The following LRRC52 variants were observed in gnomAD, a reference collection of about 807,000 sequenced individuals.
The protein encoded by LRRC52 is leucine-rich repeat-containing protein 52.
LRRC52 carries 15 observed loss-of-function variants against 14.7 expected under a neutral mutation model. The observed-to-expected ratio is 1.02, with a 90% CI of 0.68 to 1.58. The LOEUF (loss-of-function observed/expected upper bound fraction) is 1.58. Ranked by LOEUF, LRRC52 falls within the 40% of genes most tolerant of loss-of-function variation. The pLI, the probability that LRRC52 is intolerant of heterozygous loss-of-function variation, is 0.00. For synonymous variants in LRRC52, 180 were observed against 163.9 expected, an observed-to-expected ratio of 1.10 and a Z score of -0.75; for missense variants, 400 against 387.7, an observed-to-expected ratio of 1.03 and a Z score of -0.27.
At chr1:165,551,887 G>A (rs1007613324) in intron 1 of LRRC52, among the ~76,000 whole-genome samples, 8 of 151,726 alleles carry the variant, frequency 5.3e-5, no homozygotes, top group East Asian at 1.9e-4. Context: ...TTAGATTTCC[G>A]GAATGAATTC....
chr1:165,556,344 T>G (rs1016158487), intron 1 of LRRC52, among the ~76,000 whole-genome samples: 1 of 152,046 alleles, frequency 6.6e-6, no homozygotes, highest in Non-Finnish European at 1.5e-5. Context: ...CATGAGTCTA[T>G]GAATCACTTT....
At position 165,560,730 on chromosome 1, in the gene LRRC52, G is replaced by A. The variant is rs1006010985; in HGVS notation, c.623-2775G>A. 2.6e-5 allele frequency among the ~76,000 whole-genome samples: 4 copies of A among 152,166 alleles called. No homozygotes were observed. In the East Asian group the frequency reaches 7.7e-4, roughly 29 times the overall value. ...GGGTATGAGGCATTTGACAAAAAAG[G>A]AGCAGTGTAACAAAGTAACTATAGA... On this transcript the variant is annotated intron_variant, in intron 1 of 1. Transcript: ENST00000294818.
chr1:165,563,665 G>A lies in LRRC52; in HGVS notation c.783G>A (p.Val261=). The A allele has an allele frequency of 1.9e-6, 3 of 1,614,214 alleles. No homozygotes were observed. Among genetic ancestry groups the A allele is most frequent in the Non-Finnish European group, 2.5e-6 (3 of 1,180,032 alleles). The change falls in exon 2 of 2, where the codon GTG becomes GTA. Residue 261 remains valine (V), a synonymous_variant. Transcript: ENST00000294818. ...TCTGCATCTTCGCCGCGGGAACTGT[G>A]GCTGCCTGGCTCACAGGTGTGTGTG... is the stretch of plus-strand genomic sequence containing the variant. ...IGFCIFAAGT[V]AAWLTGVCAV...
Position 165,563,889 on chromosome 1 carries a change from TC to T in LRRC52, c.*68del. 6.7e-7 allele frequency: 1 copy of T among 1,487,300 alleles called. No individual in the cohort carries two copies. The highest frequency in any genetic ancestry group is 9.2e-7 in the Non-Finnish European group (1 of 1,083,926). The allele number at this position is 1,487,300 out of a possible 1,614,324, so 92.1% of individuals were successfully genotyped here. A position where few individuals can be genotyped will look rare whatever the true frequency, so the allele number is the denominator to read the frequency against. On this transcript the variant is annotated 3_prime_UTR_variant, in exon 2 of 2. Transcript: ENST00000294818. ...CCTGCTTTCTCTCTTGCCCTCCCCA[TC>T]CCACCACCTTGGAGCTGTCATAGAG... is the stretch of plus-strand genomic sequence containing the variant.
In LRRC52 at chr1:165,544,761, G is replaced by A; in HGVS notation, c.465G>A (p.Leu155=). 2 of 1,613,928 alleles carry A rather than the reference G, an allele frequency of 1.2e-6. No homozygotes were observed. Among genetic ancestry groups the A allele is most frequent in the Non-Finnish European group, 1.7e-6 (2 of 1,180,004 alleles). ...CCAACACCACCTCTTTGAGGTACCTGGACCTCAGAAATACCGGCTTGCAGA... is the reference window on the plus strand; with the variant it reads ...CCAACACCACCTCTTTGAGGTACCTAGACCTCAGAAATACCGGCTTGCAGA... ...TFANTTSLRY[L]DLRNTGLQTL... The change falls in exon 1 of 2, where the codon CTG becomes CTA. Residue 155 remains leucine (L), a synonymous_variant. Coordinates refer to ENST00000294818, the MANE Select transcript of LRRC52 (RefSeq NM_001005214.4).
chr1:165,559,442 A>G lies in LRRC52; in HGVS notation c.623-4063A>G, dbSNP rs555347486. 3.9e-5 allele frequency among the ~76,000 whole-genome samples: 6 copies of G among 152,330 alleles called. No homozygotes were observed. In the South Asian group the frequency reaches 1.2e-3, roughly 32 times the overall value. On this transcript the variant is annotated intron_variant, in intron 1 of 1. Coordinates refer to ENST00000294818, the MANE Select transcript of LRRC52 (RefSeq NM_001005214.4). ...TGAAAGAACTATATGGAGCAGACCA[A>G]TGCACAGTAAAAACTGGTAATTTTA...
chr1:165,551,727 C>G (rs919409588), intron 1 of LRRC52, among the ~76,000 whole-genome samples: 20 of 152,154 alleles, frequency 1.3e-4, no homozygotes, highest in African/African-American at 4.8e-4. Flanking sequence ...TGTGCTGCTT[C>G]AGGTCCAAGT....
intron 1 of LRRC52, among the ~76,000 whole-genome samples, chr1:165,554,561 C>T (rs79596528): frequency 6.6e-6 from 1 of 152,206 alleles, no homozygotes; most frequent in East Asian, 1.9e-4. Context: ...CTCAGCATCC[C>T]CAGGAGCTGG....
chr1:165,548,637 C>T (rs542545089), intron 1 of LRRC52, among the ~76,000 whole-genome samples: 4 of 152,290 alleles, frequency 2.6e-5, no homozygotes, highest in African/African-American at 4.8e-5. Context: ...ATAATTCTAG[C>T]CCTGATGCTG....
intron 1 of LRRC52, among the ~76,000 whole-genome samples, chr1:165,553,764 A>T (rs1237475116): frequency 6.6e-6 from 1 of 152,108 alleles, no homozygotes; most frequent in Non-Finnish European, 1.5e-5. Flanking sequence ...GTAAACATAG[A>T]TGGGGGTGAC....
At chr1:165,546,428 G>A (rs1219548927) in intron 1 of LRRC52, among the ~76,000 whole-genome samples, 1 of 152,204 alleles carries the variant, frequency 6.6e-6, no homozygotes, top group Non-Finnish European at 1.5e-5. Flanking sequence ...ACTCTAGGAG[G>A]CAGAGATAAT....
intron 1 of LRRC52, among the ~76,000 whole-genome samples, chr1:165,557,365 C>T (rs947851822): frequency 2.0e-5 from 3 of 152,052 alleles, no homozygotes; most frequent in African/African-American, 7.2e-5. Flanking sequence ...GTAGAGTGTC[C>T]GAGGCAGTCC....
At position 165,544,699 on chromosome 1, in the gene LRRC52, A is replaced by C. The variant is rs754255011; in HGVS notation, c.403A>C (p.Asn135His). 6.2e-7 allele frequency: 1 copy of C among 1,613,924 alleles called. No homozygotes were observed. The highest frequency in any genetic ancestry group is 8.5e-7 in the Non-Finnish European group (1 of 1,179,974). ...CCTGGTGCAGCTGAACATTGCCAAC[A>C]ACCCTCACCTGTTATCGCTTCACAA... ...SNLVQLNIAN[N>H]PHLLSLHKFT... Residue 135 changes from asparagine (N) to histidine (H), a missense_variant, in exon 1 of 2, where the codon AAC becomes CAC. Transcript: ENST00000294818.
At chr1:165,554,406 A>T (rs1448800554) in intron 1 of LRRC52, among the ~76,000 whole-genome samples, 1 of 147,434 alleles carries the variant, frequency 6.8e-6, no homozygotes, top group Non-Finnish European at 1.5e-5. Context: ...CTGCTGCATG[A>T]CCCATATGCA....
In LRRC52 at chr1:165,544,470, G is replaced by C. The variant is rs1217541008; in HGVS notation, c.174G>C (p.Leu58=). Residue 58 remains leucine, a synonymous_variant, in exon 1 of 2, where the codon CTG becomes CTC. Transcript: ENST00000294818. ...PLDIPLNTRR[L]FLNENRITSL... The stretch of plus-strand genomic sequence containing the variant: ...ACATACCCCTGAACACCCGGAGGCT[G>C]TTCCTGAACGAGAACAGAATCACTA... The C allele has an allele frequency of 1.8e-5, 29 of 1,614,196 alleles. No homozygotes were observed. Among genetic ancestry groups the C allele is most frequent in the Admixed American group, 3.3e-5 (2 of 60,030 alleles).
At chr1:165,560,658 T>C (rs936414802) in intron 1 of LRRC52, among the ~76,000 whole-genome samples, 14 of 152,102 alleles carry the variant, frequency 9.2e-5, no homozygotes, top group Non-Finnish European at 4.4e-5. Context: ...TAGACGCATT[T>C]AGGCTAGATC....
rs755107801 is a variant in LRRC52 at position 165,563,771 on chromosome 1, C to A, written c.889C>A (p.Arg297=). The part of the protein sequence containing the change: ...EAGTRVEVSR[R]IFQTQTSSVQ... ...CGGGACTAGGGTGGAAGTCAGCCGG[C>A]GGATTTTTCAAACCCAGACGAGCTC... Residue 297 remains arginine (R), a synonymous_variant, in exon 2 of 2, where the codon CGG becomes AGG. Coordinates refer to ENST00000294818, the MANE Select transcript of LRRC52 (RefSeq NM_001005214.4). The A allele has an allele frequency of 1.2e-6, 2 of 1,614,184 alleles. No homozygotes were observed. Among genetic ancestry groups the A allele is most frequent in the South Asian group, 2.2e-5 (2 of 91,084 alleles).
rs1660975602 is a variant in LRRC52 at position 165,544,584 on chromosome 1, C to T, written c.288C>T (p.Thr96=). ...NNRIREVMDY[T]FIGVFKLIYL... ...GGATTCGAGAGGTGATGGATTATAC[C>T]TTCATCGGGGTCTTCAAACTCATCT... Residue 96 remains threonine (T), a synonymous_variant, in exon 1 of 2, where the codon ACC becomes ACT. Coordinates refer to ENST00000294818, the MANE Select transcript of LRRC52 (RefSeq NM_001005214.4). The T allele has an allele frequency of 2.5e-6, 4 of 1,613,886 alleles. No homozygotes were observed. The East Asian group carries it at 8.9e-5, about 36-fold the overall frequency.
intron 1 of LRRC52, among the ~76,000 whole-genome samples, chr1:165,557,927 C>T (rs1023636538): frequency 1.3e-5 from 2 of 152,222 alleles, no homozygotes; most frequent in Non-Finnish European, 2.9e-5. Context: ...GCTCGAGCAA[C>T]CTGCCCATGG....
Sources: allele counts gnomAD v4.1 joint callset (sites outside exome capture counted in the v4.1 genomes callset), GRCh38; gene constraint gnomAD v4.1.1; transcripts MANE v1.5; gene names NCBI Gene and HGNC (gene_info 2026-07-23, HGNC 2026-07-21).